The following TNKS variants were observed in gnomAD, a reference collection of about 807,000 sequenced individuals.
TNKS encodes tankyrase.
A neutral mutation model predicts 135.8 loss-of-function variants in TNKS; 72 were observed. The observed-to-expected ratio is 0.53, with a 90% CI of 0.44 to 0.64. The LOEUF (loss-of-function observed/expected upper bound fraction) is 0.64. Among genes scored for constraint, TNKS ranks in the 30% least tolerant of loss-of-function variants. The pLI is 0.00. For synonymous variants in TNKS, 849 were observed against 649.3 expected, an observed-to-expected ratio of 1.31 and a Z score of -4.68; for missense variants, 1,769 against 1,674.0, an observed-to-expected ratio of 1.06 and a Z score of -0.99.
At chr8:9,690,635 A>G (rs6601344) in intron 5 of TNKS, among the ~76,000 whole-genome samples, 94,306 of 151,832 alleles carry the variant, frequency 0.62, 29,693 homozygotes, top group Middle Eastern at 0.72. Context: ...GGCACCTATA[A>G]TCCTAGCTAC....
chr8:9,675,794 A>C (rs981542885), intron 3 of TNKS, among the ~76,000 whole-genome samples: 1 of 152,104 alleles, frequency 6.6e-6, no homozygotes, highest in Non-Finnish European at 1.5e-5. Flanking sequence ...CCTGACAGAT[A>C]ATGGATAATA....
intron 1 of TNKS, among the ~76,000 whole-genome samples, chr8:9,564,769 T>C (rs183112296): frequency 2.6e-5 from 4 of 152,210 alleles, no homozygotes; most frequent in Non-Finnish European, 2.9e-5. Context: ...TAGATACTTA[T>C]AGTAAGAATT....
intron 3 of TNKS, among the ~76,000 whole-genome samples, chr8:9,653,590 C>T (rs752319278): frequency 4.9e-4 from 75 of 151,908 alleles, no homozygotes; most frequent in Non-Finnish European, 9.9e-4. Flanking sequence ...AACTCACTCT[C>T]GTGGTAGCAA....
In TNKS at chr8:9,779,351, T is replaced by C. The variant is rs1376347258; in HGVS notation, c.*2615T>C. On this transcript the variant is annotated 3_prime_UTR_variant, in exon 27 of 27. Transcript: ENST00000310430. ...TTTTATTTTTTGTATATGTACTATA[T>C]AGAAATACTAGCAAGTTAGGATCAT... 1 of 152,530 alleles carries C rather than the reference T, an allele frequency of 6.6e-6. No homozygotes were observed. 9.4% of individuals were successfully genotyped at this position (152,530 alleles called of 1,614,324 possible). A position where few individuals can be genotyped will look rare whatever the true frequency, so the allele number is the denominator to read the frequency against.
chr8:9,583,104 T>C (rs13282049), intron 2 of TNKS, among the ~76,000 whole-genome samples: 15,705 of 150,112 alleles, frequency 0.1, 1,159 homozygotes, highest in Admixed American at 0.22. Context: ...GAGGCGGAGC[T>C]TGATGAGCTG....
intron 20 of TNKS, among the ~76,000 whole-genome samples, chr8:9,760,657 G>T (rs1218446690): frequency 1.3e-5 from 2 of 152,190 alleles, no homozygotes; most frequent in Non-Finnish European, 2.9e-5. Context: ...AAGAAATGTG[G>T]CTACCCGCGT....
chr8:9,621,675 G>GTGTATGTAATACACA (rs1227956972), intron 3 of TNKS, among the ~76,000 whole-genome samples: 1 of 152,010 alleles, frequency 6.6e-6, no homozygotes, highest in African/African-American at 2.4e-5. Flanking sequence ...TGCATACCAT[G>GTGTATGTAATACACA]TGTAATACAT....
rs1161895690 is a variant in TNKS, at chr8:9,720,509, C to A, written c.1885C>A (p.Gln629Lys). 1.2e-6 allele frequency: 2 copies of A among 1,613,956 alleles called. No homozygotes were observed. The highest frequency in any genetic ancestry group is 2.7e-5 in the African/African-American group (2 of 74,926). The stretch of plus-strand genomic sequence containing the variant: ...CTCCTTACAAGGCTTCACAGCAGCA[C>A]AGATGGGCAATGAAGCAGTGCAGCA... ...IISLQGFTAA[Q>K]MGNEAVQQIL... The change falls in exon 12 of 27, where the codon CAG (glutamine) becomes AAG (lysine). Residue 629 changes from glutamine to lysine, a missense_variant. Physicochemically the swap from Gln to Lys is moderately conservative, Grantham distance 53. This residue lies in a region of TNKS where 523 missense variants were observed against 541.0 expected (regional missense o/e 0.97). Coordinates refer to ENST00000310430, the MANE Select transcript of TNKS (RefSeq NM_003747.3).
chr8:9,610,798 C>G (rs1253960917), intron 2 of TNKS, among the ~76,000 whole-genome samples: 2 of 152,136 alleles, frequency 1.3e-5, no homozygotes, highest in Non-Finnish European at 2.9e-5. Context: ...GTTTCTATGT[C>G]TTGTGTCTTT....
chr8:9,736,309 G>A (rs1241052740), intron 17 of TNKS, among the ~76,000 whole-genome samples: 1 of 142,174 alleles, frequency 7.0e-6, no homozygotes, highest in African/African-American at 2.6e-5. Context: ...CTTGAGCCCA[G>A]GAGTTCAAGG....
intron 26 of TNKS, among the ~76,000 whole-genome samples, chr8:9,771,431 G>C (rs1807853632): frequency 1.1e-5 from 1 of 90,668 alleles, no homozygotes; most frequent in African/African-American, 3.7e-5. Context: ...AGGAAGGGAG[G>C]GACAGAGGAA....
At chr8:9,644,831 T>C (rs960874688) in intron 3 of TNKS, among the ~76,000 whole-genome samples, 4 of 152,162 alleles carry the variant, frequency 2.6e-5, no homozygotes, top group African/African-American at 9.7e-5. Context: ...ATTCTTCAGA[T>C]GCCCATACAA....
chr8:9,647,005 A>T (rs998032927), intron 3 of TNKS, among the ~76,000 whole-genome samples: 5 of 152,192 alleles, frequency 3.3e-5, no homozygotes, highest in Admixed American at 6.5e-5. Flanking sequence ...AGATGGCTAA[A>T]CTAAAACGTG....
At chr8:9,676,006 ATTTTTT>A (rs760646836) in intron 3 of TNKS, among the ~76,000 whole-genome samples, 2 of 130,842 alleles carry the variant, frequency 1.5e-5, no homozygotes, top group Non-Finnish European at 3.3e-5. Flanking sequence ...AAAAGTCAGA[ATTTTTT>A]TTTTTTTTTT....
chr8:9,672,704 ACACACAC>A (rs1563158408), intron 3 of TNKS, among the ~76,000 whole-genome samples: 6 of 125,478 alleles, frequency 4.8e-5, no homozygotes, highest in African/African-American at 1.5e-4. Context: ...ACACACACAC[ACACACAC>A]AAAAAAAAAA....
At chr8:9,729,051 G>A (rs1393950917) in intron 13 of TNKS, among the ~76,000 whole-genome samples, 1 of 152,176 alleles carries the variant, frequency 6.6e-6, no homozygotes, top group African/African-American at 2.4e-5. Flanking sequence ...GTCTGGTGGG[G>A]ACCCCGTCTC....
chr8:9,691,792 CTA>C (rs1002245134), intron 5 of TNKS, among the ~76,000 whole-genome samples: 157 of 152,150 alleles, frequency 1.0e-3, no homozygotes, highest in African/African-American at 3.6e-3. Flanking sequence ...TTTGTATATG[CTA>C]TGTCATTTTA....
intron 26 of TNKS, among the ~76,000 whole-genome samples, chr8:9,772,831 C>CTGTGTGTGTG (rs71201974): frequency 1.3e-4 from 15 of 119,122 alleles, no homozygotes; most frequent in Middle Eastern, 3.8e-3. Context: ...GTGTGTGTGT[C>CTGTGTGTGTG]TGTGTGTGTG....
intron 8 of TNKS, 83 bp downstream of exon 8, chr8:9,707,080 C>T: frequency 1.1e-5 from 13 of 1,182,690 alleles, no homozygotes; most frequent in Non-Finnish European, 1.5e-5. Flanking sequence ...TAAATAATAA[C>T]CTTCCATTCT....
Sources: gnomAD v4.1 joint callset for allele counts (sites outside exome capture counted in the v4.1 genomes callset) on GRCh38, gnomAD v4.1.1 for gene constraint, gnomAD v4.1.1 regional missense constraint, MANE v1.5 for transcripts, NCBI Gene and HGNC (gene_info 2026-07-23, HGNC 2026-07-21) for gene names.